NALF1: variants seen among roughly 807,000 people sequenced by gnomAD.
NALF1 encodes the protein family with sequence similarity 155 member A.
Under a neutral mutation model 48.4 loss-of-function variants are expected in NALF1, and 3 were observed. That is an observed-to-expected ratio of 0.06 (90% CI 0.03 to 0.16). The LOEUF (loss-of-function observed/expected upper bound fraction) is 0.16, where lower values mean the gene tolerates loss of function less well. Ranked by LOEUF, NALF1 falls within the 10% of genes least tolerant of loss-of-function variation. The probability of loss-of-function intolerance (pLI) is 1.00; values close to 1 mark genes in which losing one functional copy is unlikely to be tolerated. For synonymous variants in NALF1, 262 were observed against 245.7 expected, an observed-to-expected ratio of 1.07 and a Z score of -0.62; for missense variants, 526 against 571.5, an observed-to-expected ratio of 0.92 and a Z score of 0.81.
chr13:107,616,668 A>G (rs929201354), intron 1 of NALF1, among the ~76,000 whole-genome samples: 8 of 152,184 alleles, frequency 5.3e-5, no homozygotes, highest in Non-Finnish European at 1.2e-4. Flanking sequence ...CCTCCTTTGT[A>G]GAACAAATGC....
At chr13:107,679,077 C>T (rs756968759) in intron 1 of NALF1, among the ~76,000 whole-genome samples, 10 of 152,140 alleles carry the variant, frequency 6.6e-5, no homozygotes, top group Non-Finnish European at 1.0e-4. Context: ...ACTCACCTTC[C>T]ATTGTTCTGA....
chr13:107,359,193 C>G (rs1883018324), intron 1 of NALF1, among the ~76,000 whole-genome samples: 1 of 152,096 alleles, frequency 6.6e-6, no homozygotes, highest in South Asian at 2.1e-4. Context: ...TTTCTCAGTT[C>G]TGTTTCTCTT....
chr13:107,587,191 C>G (rs1356036270), intron 1 of NALF1, among the ~76,000 whole-genome samples: 1 of 152,006 alleles, frequency 6.6e-6, no homozygotes, highest in Admixed American at 6.6e-5. Context: ...GTAGGACAGT[C>G]AGGAAGGGAA....
intron 1 of NALF1, among the ~76,000 whole-genome samples, chr13:107,705,070 C>A (rs953930833): frequency 1.3e-5 from 2 of 152,134 alleles, no homozygotes; most frequent in Non-Finnish European, 2.9e-5. Flanking sequence ...TTATATCAGG[C>A]ATATTAAAAA....
chr13:107,599,863 A>C (rs1238614502), intron 1 of NALF1, among the ~76,000 whole-genome samples: 1 of 152,218 alleles, frequency 6.6e-6, no homozygotes, highest in Non-Finnish European at 1.5e-5. Context: ...GCATTTGGTA[A>C]ATCCCAGGCT....
chr13:107,841,238 A>G (rs1345027182), intron 1 of NALF1, among the ~76,000 whole-genome samples: 3 of 152,186 alleles, frequency 2.0e-5, no homozygotes, highest in Non-Finnish European at 4.4e-5. Flanking sequence ...ACCAGTGAGG[A>G]GTCAAGGCAA....
chr13:107,417,835 C>A (rs1884117348), intron 1 of NALF1, among the ~76,000 whole-genome samples: 2 of 152,132 alleles, frequency 1.3e-5, no homozygotes, highest in South Asian at 4.1e-4. Context: ...CTGAGGCCAG[C>A]AGATCACCTG....
intron 1 of NALF1, among the ~76,000 whole-genome samples, chr13:107,575,191 G>A (rs1878102714): frequency 6.6e-6 from 1 of 151,984 alleles, no homozygotes; most frequent in African/African-American, 2.4e-5. Flanking sequence ...ATAGAAGAGA[G>A]CCTTAGAACT....
chr13:107,569,364 C>CG (rs1269391704), intron 1 of NALF1, among the ~76,000 whole-genome samples: 2 of 151,776 alleles, frequency 1.3e-5, no homozygotes, highest in African/African-American at 4.8e-5. Flanking sequence ...CCCAGCTACT[C>CG]GGGACGCTGA....
At chr13:107,769,553 G>C (rs150353782) in intron 1 of NALF1, among the ~76,000 whole-genome samples, 2 of 109,422 alleles carry the variant, frequency 1.8e-5, no homozygotes, top group Non-Finnish European at 3.5e-5. Context: ...GGTGGGGGGA[G>C]GGGGGAGGGA....
intron 1 of NALF1, among the ~76,000 whole-genome samples, chr13:107,226,259 C>T (rs571591273): frequency 1.3e-5 from 2 of 152,050 alleles, no homozygotes; most frequent in African/African-American, 4.8e-5. Context: ...GGTCAGAAAA[C>T]CCCGGCAAAA....
chr13:107,394,299 G>A (rs1451604384), intron 1 of NALF1, among the ~76,000 whole-genome samples: 2 of 152,172 alleles, frequency 1.3e-5, no homozygotes, highest in Admixed American at 1.3e-4. Flanking sequence ...CTGTGGCAGT[G>A]TATAGCTAAT....
intron 1 of NALF1, among the ~76,000 whole-genome samples, chr13:107,755,038 T>C (rs1373067812): frequency 2.0e-5 from 3 of 152,214 alleles, no homozygotes; most frequent in South Asian, 2.1e-4. Context: ...TAATAAAATT[T>C]CAAACCTCAG....
At chr13:107,851,943 G>C in intron 1 of NALF1, among the ~76,000 whole-genome samples, 1 of 150,116 alleles carries the variant, frequency 6.7e-6, no homozygotes, top group Admixed American at 6.7e-5. Flanking sequence ...CATGTAGCTT[G>C]GACTCAGTGC....
chr13:107,197,923 T>G (rs991866226), intron 2 of NALF1, among the ~76,000 whole-genome samples: 3 of 152,210 alleles, frequency 2.0e-5, no homozygotes, highest in African/African-American at 7.2e-5. Flanking sequence ...GCTGAGAATT[T>G]GAAAGCTGTC....
At chr13:107,801,678 T>C (rs992031772) in intron 1 of NALF1, among the ~76,000 whole-genome samples, 7 of 152,158 alleles carry the variant, frequency 4.6e-5, no homozygotes, top group Non-Finnish European at 8.8e-5. Flanking sequence ...TGACATAATA[T>C]TCAGTTGGAT....
chr13:107,768,006 T>C (rs570143352), intron 1 of NALF1, among the ~76,000 whole-genome samples: 77 of 152,222 alleles, frequency 5.1e-4, no homozygotes, highest in African/African-American at 1.8e-3. Flanking sequence ...AACCCGTCTA[T>C]GATGAAGGGG....
At chr13:107,687,450 C>T (rs914537720) in intron 1 of NALF1, among the ~76,000 whole-genome samples, 4 of 149,950 alleles carry the variant, frequency 2.7e-5, no homozygotes, top group South Asian at 2.1e-4. Flanking sequence ...ATGTAACCCC[C>T]GTGAATCTAA....
chr13:107,249,619 G>C lies in NALF1; in HGVS notation c.916-38864C>G, dbSNP rs1880654409. Among the ~76,000 whole-genome samples, 4 of 149,018 alleles carry C rather than the reference G, an allele frequency of 2.7e-5. No homozygotes were observed. The South Asian group carries it at 8.4e-4, about 31-fold the overall frequency. On this transcript the variant is annotated intron_variant, in intron 1 of 2. Transcript: ENST00000375915. ...TTAATTTTGAGTACAGATGTAGAGA[G>C]ATGGCCAAAACTATTTCACTATGTC...
Sources: allele counts gnomAD v4.1 joint callset (sites outside exome capture counted in the v4.1 genomes callset), GRCh38; gene constraint gnomAD v4.1.1; transcripts MANE v1.5; gene names NCBI Gene and HGNC (gene_info 2026-07-23, HGNC 2026-07-21).